The following LIPK variants were observed in gnomAD, a reference collection of about 807,000 sequenced individuals.
LIPK encodes the protein lipase family member K.
In LIPK, 32 loss-of-function variants were observed where a neutral mutation model predicts 48.6. The ratio of observed to expected loss-of-function variants is 0.66; its 90% CI spans 0.50 to 0.88. The LOEUF (loss-of-function observed/expected upper bound fraction) is 0.88. LIPK is among the 40% of genes least tolerant of loss of function. LIPK has a pLI of 0.00. For synonymous variants in LIPK, 164 were observed against 157.4 expected (o/e 1.04, Z -0.32); for missense variants, 507 against 478.5 (o/e 1.06, Z -0.56).
intron 3 of LIPK, among the ~76,000 whole-genome samples, chr10:88,729,651 G>A (rs1267375500): frequency 6.6e-6 from 1 of 152,152 alleles, no homozygotes; most frequent in Non-Finnish European, 1.5e-5. Context: ...AGATCAAAGA[G>A]GCCTGATGGT....
intron 1 of LIPK, among the ~76,000 whole-genome samples, chr10:88,711,085 CT>C (rs1842018166): frequency 1.3e-5 from 2 of 151,464 alleles, no homozygotes; most frequent in Admixed American, 6.6e-5. Flanking sequence ...GTTTATTGAC[CT>C]TCCATCTATT....
chr10:88,727,860 T>A, intron 3 of LIPK: 1 of 375,340 alleles, frequency 2.7e-6, no homozygotes, highest in Non-Finnish European at 5.2e-6. Flanking sequence ...AAAGTGTGGT[T>A]CCTGGAGCAG....
In LIPK at chr10:88,717,414, G is replaced by A. The variant is rs148506989; in HGVS notation, c.-11-7119G>A. On this transcript the variant is annotated intron_variant, in intron 1 of 9. Coordinates refer to ENST00000404190, the MANE Select transcript of LIPK (RefSeq NM_001080518.2). ...GTATTTTCTATTTTTTTATGATTTA[G>A]TTATGCTGTCTTTAGCATTATTTCT... 2.0e-5 allele frequency among the ~76,000 whole-genome samples: 3 copies of A among 152,142 alleles called. No individual in the cohort carries two copies. The East Asian group carries it at 5.8e-4, about 29-fold the overall frequency.
At chr10:88,723,432 A>T (rs1289153784) in intron 1 of LIPK, among the ~76,000 whole-genome samples, 3 of 152,320 alleles carry the variant, frequency 2.0e-5, no homozygotes. Context: ...AAAACAGATT[A>T]GCAGGGAGGG....
intron 1 of LIPK, among the ~76,000 whole-genome samples, chr10:88,707,370 T>C (rs1841954942): frequency 6.6e-6 from 1 of 152,146 alleles, no homozygotes; most frequent in African/African-American, 2.4e-5. Context: ...GTAAGGACAT[T>C]GAGGGAAAAA....
chr10:88,720,745 T>A (rs1413173143), intron 1 of LIPK, among the ~76,000 whole-genome samples: 1 of 150,640 alleles, frequency 6.6e-6, no homozygotes, highest in Non-Finnish European at 1.5e-5. Flanking sequence ...TCTATAAGTC[T>A]CCAAGGAAGT....
intron 9 of LIPK, among the ~76,000 whole-genome samples, chr10:88,744,405 T>A (rs1842734381): frequency 6.6e-6 from 1 of 152,212 alleles, no homozygotes. Flanking sequence ...ATCAGAGTGT[T>A]GTTGCCAGTA....
At chr10:88,736,948 T>C (rs571865013) in intron 6 of LIPK, among the ~76,000 whole-genome samples, 10 of 152,216 alleles carry the variant, frequency 6.6e-5, no homozygotes, top group Non-Finnish European at 1.3e-4. Context: ...AAATGTCTTT[T>C]TACCTTTATA....
chr10:88,708,124 T>C (rs962319927), intron 1 of LIPK, among the ~76,000 whole-genome samples: 1 of 152,126 alleles, frequency 6.6e-6, no homozygotes, highest in South Asian at 2.1e-4. Context: ...ACAAAAACTA[T>C]GCGATACTGC....
At chr10:88,725,612 C>G (rs17112186) in intron 2 of LIPK, among the ~76,000 whole-genome samples, 8,420 of 152,264 alleles carry the variant, frequency 0.055, 313 homozygotes, top group African/African-American at 0.1. Flanking sequence ...ATCTTTTTAT[C>G]TCTTCCTGGT....
intron 4 of LIPK, 78 bp from the exon 5 acceptor site, chr10:88,732,100 C>A: frequency 1.1e-6 from 1 of 897,874 alleles, no homozygotes; most frequent in Non-Finnish European, 1.8e-6. Context: ...GTATTTATGT[C>A]TTCACTGAAC....
intron 9 of LIPK, among the ~76,000 whole-genome samples, chr10:88,745,389 C>G (rs1443720736): frequency 6.6e-6 from 1 of 152,102 alleles, no homozygotes; most frequent in African/African-American, 2.4e-5. Flanking sequence ...AGAGAAGGGG[C>G]AGTTCACCAA....
At chr10:88,719,479 C>T (rs1564975664) in intron 1 of LIPK, among the ~76,000 whole-genome samples, 1 of 152,206 alleles carries the variant, frequency 6.6e-6, no homozygotes, top group Non-Finnish European at 1.5e-5. Flanking sequence ...CTCATGGCTG[C>T]CATATCTTCT....
chr10:88,742,172 C>T (rs1842690794), intron 8 of LIPK, among the ~76,000 whole-genome samples: 1 of 152,184 alleles, frequency 6.6e-6, no homozygotes, highest in Non-Finnish European at 1.5e-5. Flanking sequence ...ATGATTCAGT[C>T]TCCTCCCACC....
chr10:88,708,957 G>T (rs1038267331), intron 1 of LIPK, among the ~76,000 whole-genome samples: 1 of 152,056 alleles, frequency 6.6e-6, no homozygotes, highest in African/African-American at 2.4e-5. Flanking sequence ...AGTTTTTAAT[G>T]ATGTGTGATT....
intron 7 of LIPK, among the ~76,000 whole-genome samples, chr10:88,738,246 G>T (rs1842613543): frequency 6.6e-6 from 1 of 152,200 alleles, no homozygotes; most frequent in South Asian, 2.1e-4. Context: ...CAAATTTATT[G>T]TTCAAGGGGT....
intron 6 of LIPK, among the ~76,000 whole-genome samples, chr10:88,734,284 T>A (rs1842525779): frequency 6.6e-6 from 1 of 152,214 alleles, no homozygotes. Context: ...CTTAAGGATA[T>A]GATTTCATTA....
chr10:88,740,773 T>C (rs905628112), intron 8 of LIPK, among the ~76,000 whole-genome samples: 1 of 152,036 alleles, frequency 6.6e-6, no homozygotes, highest in African/African-American at 2.4e-5. Flanking sequence ...ACGGGGAAAG[T>C]GGTGGTGTCT....
chr10:88,718,384 T>A (rs977992513), intron 1 of LIPK, among the ~76,000 whole-genome samples: 4 of 149,498 alleles, frequency 2.7e-5, no homozygotes, highest in African/African-American at 9.7e-5. Flanking sequence ...ATTATATATA[T>A]AAATTTTTAT....
Sources: allele counts gnomAD v4.1 joint callset (sites outside exome capture counted in the v4.1 genomes callset), GRCh38; gene constraint gnomAD v4.1.1; transcripts MANE v1.5; gene names NCBI Gene and HGNC (gene_info 2026-07-23, HGNC 2026-07-21).